NFIB: variants seen among roughly 807,000 people sequenced by gnomAD.
NFIB encodes the protein nuclear factor 1 B-type.
In NFIB, 11 loss-of-function variants were observed where a neutral mutation model predicts 61.5. The observed-to-expected ratio is 0.18, with a 90% confidence interval of 0.11 to 0.30. The LOEUF (loss-of-function observed/expected upper bound fraction) is 0.30, where lower values mean the gene tolerates loss of function less well. Among genes scored for constraint, NFIB ranks in the 10% least tolerant of loss-of-function variants. The pLI is 1.00. For synonymous variants in NFIB, 260 were observed against 216.5 expected (o/e 1.20, Z -1.76); for missense variants, 471 against 608.9 (o/e 0.77, Z 2.38).
At chr9:14,513,156 C>T in the NFIB span, among the ~76,000 whole-genome samples, 28 of 151,966 alleles carry the variant, frequency 1.8e-4, no homozygotes, top group African/African-American at 5.8e-4. Context: ...TTTATGTATT[C>T]GTTTGTTTTC....
At chr9:14,266,637 C>T (rs1368769980) in intron 2 of NFIB, among the ~76,000 whole-genome samples, 1 of 151,956 alleles carries the variant, frequency 6.6e-6, no homozygotes, top group Admixed American at 6.6e-5. Context: ...AGTCTTCATG[C>T]TTCCCTCGGA....
chr9:14,441,149 A>G, the NFIB span, among the ~76,000 whole-genome samples: 1 of 151,824 alleles, frequency 6.6e-6, no homozygotes, highest in Admixed American at 6.6e-5. Flanking sequence ...AAAAAAAAAA[A>G]AAAGGAGAGA....
intron 1 of NFIB, among the ~76,000 whole-genome samples, chr9:14,326,365 G>A (rs553496351): frequency 1.8e-4 from 28 of 152,258 alleles, no homozygotes; most frequent in African/African-American, 6.7e-4. Flanking sequence ...ATCTGCAGTG[G>A]AGTTGAAACA....
chr9:14,511,076 A>G, the NFIB span, among the ~76,000 whole-genome samples: 2 of 152,188 alleles, frequency 1.3e-5, no homozygotes, highest in Admixed American at 6.5e-5. Context: ...GATTTTTGAT[A>G]AATATTGCCA....
chr9:14,472,164 T>C, the NFIB span, among the ~76,000 whole-genome samples: 1 of 152,212 alleles, frequency 6.6e-6, no homozygotes, highest in Non-Finnish European at 1.5e-5. Context: ...TTGTGTCCCT[T>C]GCAATATAAT....
chr9:14,192,178 G>C (rs1168576304), intron 2 of NFIB, among the ~76,000 whole-genome samples: 3 of 152,126 alleles, frequency 2.0e-5, no homozygotes, highest in Non-Finnish European at 4.4e-5. Flanking sequence ...AATTCTTCTT[G>C]ACATTTAAAG....
intron 6 of NFIB, among the ~76,000 whole-genome samples, chr9:14,144,932 C>T (rs1359446023): frequency 1.3e-5 from 2 of 152,154 alleles, no homozygotes; most frequent in Non-Finnish European, 2.9e-5. Context: ...ATGTCACCTG[C>T]CAAGGCTATG....
At chr9:14,141,159 CT>C (rs1246752243) in intron 6 of NFIB, among the ~76,000 whole-genome samples, 1 of 152,114 alleles carries the variant, frequency 6.6e-6, no homozygotes, top group African/African-American at 2.4e-5. Flanking sequence ...GACTACCTTA[CT>C]AATGAGAATA....
chr9:14,463,465 A>G, the NFIB span, among the ~76,000 whole-genome samples: 329 of 150,896 alleles, frequency 2.2e-3, 2 homozygotes, highest in African/African-American at 7.0e-3. Flanking sequence ...ATATCCTAGG[A>G]AAAAAAAGCC....
At chr9:14,461,330 C>A in the NFIB span, among the ~76,000 whole-genome samples, 12 of 152,158 alleles carry the variant, frequency 7.9e-5, no homozygotes, top group Non-Finnish European at 1.5e-4. Context: ...TGGAGGAACA[C>A]AGGTGATAGG....
At chr9:14,212,408 T>A (rs1277342023) in intron 2 of NFIB, among the ~76,000 whole-genome samples, 1 of 152,180 alleles carries the variant, frequency 6.6e-6, no homozygotes. Context: ...AAGGGCAACA[T>A]TAAACATACT....
At chr9:14,518,045 C>A in the NFIB span, among the ~76,000 whole-genome samples, 1 of 152,192 alleles carries the variant, frequency 6.6e-6, no homozygotes, top group East Asian at 1.9e-4. Context: ...CTTGTTCATA[C>A]AGCATTTGTT....
chr9:14,129,260 T>C (rs1002535485), intron 6 of NFIB, among the ~76,000 whole-genome samples: 1 of 151,960 alleles, frequency 6.6e-6, no homozygotes, highest in Non-Finnish European at 1.5e-5. Flanking sequence ...AGAATATAGG[T>C]TTAATTGCCT....
At chr9:14,485,491 G>A in the NFIB span, among the ~76,000 whole-genome samples, 24 of 152,328 alleles carry the variant, frequency 1.6e-4, no homozygotes, top group African/African-American at 5.8e-4. Context: ...GGTATTAGTA[G>A]TTGTGTTGGC....
chr9:14,132,127 T>C (rs1307509042), intron 6 of NFIB, among the ~76,000 whole-genome samples: 7 of 152,216 alleles, frequency 4.6e-5, no homozygotes, highest in African/African-American at 1.7e-4. Context: ...CTTGAATTTC[T>C]GGAAGCTATT....
chr9:14,278,195 G>A (rs1271200297), intron 2 of NFIB, among the ~76,000 whole-genome samples: 2 of 152,180 alleles, frequency 1.3e-5, no homozygotes, highest in African/African-American at 4.8e-5. Flanking sequence ...ATCACGTGGA[G>A]AACACCATGG....
chr9:14,085,658 A>C lies in NFIB; in HGVS notation c.*2651T>G, dbSNP rs1292038339. The C allele has an allele frequency of 4.5e-6, 1 of 220,404 alleles. No homozygotes were observed. The highest frequency in any genetic ancestry group is 9.1e-6 in the Non-Finnish European group (1 of 110,144). The allele number at this position is 220,404 out of a possible 1,614,324, so 13.7% of individuals were successfully genotyped here. On this transcript the variant is annotated 3_prime_UTR_variant, in exon 11 of 11. Transcript: ENST00000380953. ...GATTTTAATCTATCAGTCCAAATAC[A>C]TTCAACAATAGCAACCCTCTGTTCA...
At chr9:14,187,673 T>A (rs1587438753) in intron 2 of NFIB, among the ~76,000 whole-genome samples, 1 of 152,124 alleles carries the variant, frequency 6.6e-6, no homozygotes, top group South Asian at 2.1e-4. Flanking sequence ...GTACAAAGAG[T>A]CATATCCCAA....
At chr9:14,322,504 C>T (rs557742149) in intron 1 of NFIB, among the ~76,000 whole-genome samples, 3 of 152,196 alleles carry the variant, frequency 2.0e-5, no homozygotes, top group East Asian at 1.9e-4. Flanking sequence ...CACCCAGCAG[C>T]GCACCCTTCC....
Sources: allele counts gnomAD v4.1 joint callset (sites outside exome capture counted in the v4.1 genomes callset), GRCh38; gene constraint gnomAD v4.1.1; transcripts MANE v1.5; gene names NCBI Gene and HGNC (gene_info 2026-07-23, HGNC 2026-07-21).